The following FBXL7 variants were observed in gnomAD, a reference collection of about 807,000 sequenced individuals.
FBXL7 encodes the protein F-box/LRR-repeat protein 7.
A neutral mutation model predicts 38.3 loss-of-function variants in FBXL7; 12 were observed. The ratio of observed to expected loss-of-function variants is 0.31; its 90% CI spans 0.20 to 0.51. The LOEUF (loss-of-function observed/expected upper bound fraction) is 0.51, where lower values mean the gene tolerates loss of function less well. FBXL7 is among the 20% of genes least tolerant of loss of function. The pLI, the probability that FBXL7 is intolerant of heterozygous loss-of-function variation, is 0.98. For synonymous variants in FBXL7, 297 were observed against 300.9 expected (o/e 0.99, Z 0.13); for missense variants, 567 against 676.4 (o/e 0.84, Z 1.79).
intron 1 of FBXL7, among the ~76,000 whole-genome samples, chr5:15,573,051 T>A (rs977481446): frequency 1.3e-5 from 2 of 152,204 alleles, no homozygotes; most frequent in African/African-American, 4.8e-5. Flanking sequence ...TCAGGCAAGG[T>A]TAATCACCTC....
chr5:15,546,265 G>A (rs75339950), intron 1 of FBXL7, among the ~76,000 whole-genome samples: 4,047 of 150,932 alleles, frequency 0.027, 170 homozygotes, highest in African/African-American at 0.093. Context: ...CCCCATTTCT[G>A]CTGGAAATAC....
intron 2 of FBXL7, among the ~76,000 whole-genome samples, chr5:15,830,914 T>G (rs257738): frequency 0.53 from 80,622 of 151,828 alleles, 22,659 homozygotes; most frequent in Non-Finnish European, 0.63. Flanking sequence ...TTCCCTCCCC[T>G]TGTTCTTTTT....
intron 2 of FBXL7, among the ~76,000 whole-genome samples, chr5:15,869,641 G>A (rs890905405): frequency 3.9e-5 from 6 of 151,978 alleles, no homozygotes; most frequent in African/African-American, 1.5e-4. Flanking sequence ...TGTTTTGTTC[G>A]CCGCTGTATC....
intron 1 of FBXL7, chr5:15,580,836 G>A (rs1390945974): frequency 2.0e-6 from 2 of 984,492 alleles, no homozygotes; most frequent in African/African-American, 1.7e-5. Context: ...TGGGCCTGGA[G>A]ACTATCCCAG....
intron 2 of FBXL7, among the ~76,000 whole-genome samples, chr5:15,721,985 C>A (rs1744207137): frequency 6.6e-6 from 1 of 152,156 alleles, no homozygotes; most frequent in Non-Finnish European, 1.5e-5. Context: ...CAGGCACCCA[C>A]CACCACAGTC....
chr5:15,640,066 C>G (rs1741309630), intron 2 of FBXL7, among the ~76,000 whole-genome samples: 1 of 152,148 alleles, frequency 6.6e-6, no homozygotes. Context: ...ATGTGCTTGT[C>G]TGGAGTGGTA....
At chr5:15,819,200 A>G (rs1205275426) in intron 2 of FBXL7, among the ~76,000 whole-genome samples, 1 of 152,186 alleles carries the variant, frequency 6.6e-6, no homozygotes, top group East Asian at 1.9e-4. Context: ...GCCAGAGACT[A>G]TAGGTACAGA....
In FBXL7 at chr5:15,639,964, A is replaced by G. The variant is rs77583829; in HGVS notation, c.127+23892A>G. ...TAGACTGTAGAAAGGTCTTTTCCGTAATTGAGGCAGGGGCAGTTATCCTAG... is the reference window on the plus strand; with the variant it reads ...TAGACTGTAGAAAGGTCTTTTCCGTGATTGAGGCAGGGGCAGTTATCCTAG... On this transcript the variant is annotated intron_variant, in intron 2 of 3. Coordinates refer to ENST00000504595, the MANE Select transcript of FBXL7 (RefSeq NM_012304.5). 3.2e-3 allele frequency among the ~76,000 whole-genome samples: 483 copies of G among 152,134 alleles called. 3 individuals carry two copies. Among genetic ancestry groups the G allele is most frequent in the African/African-American group, 0.011 (468 of 41,510 alleles).
rs1184594179 is a variant in FBXL7 at position 15,678,821 on chromosome 5, C to A, written c.127+62749C>A. On this transcript the variant is annotated intron_variant, in intron 2 of 3. Transcript: ENST00000504595. ...CACCATGATTATGAGGCCTCCTTGG[C>A]CATGTGGAACTGGGAGTCCATTAAA... 1.8e-4 allele frequency among the ~76,000 whole-genome samples: 27 copies of A among 152,162 alleles called. 1 individual carries two copies. Among genetic ancestry groups the A allele is most frequent in the Non-Finnish European group, 3.7e-4 (25 of 68,024 alleles).
At chr5:15,805,130 G>A (rs779604127) in intron 2 of FBXL7, among the ~76,000 whole-genome samples, 30 of 152,116 alleles carry the variant, frequency 2.0e-4, no homozygotes, top group Non-Finnish European at 3.7e-4. Flanking sequence ...CAGGGGCCAC[G>A]CTAATGACTG....
intron 1 of FBXL7, among the ~76,000 whole-genome samples, chr5:15,520,736 G>A (rs1000893122): frequency 6.6e-6 from 1 of 152,170 alleles, no homozygotes; most frequent in South Asian, 2.1e-4. Context: ...AAATGCCTCA[G>A]TTTTTTCCTA....
intron 2 of FBXL7, among the ~76,000 whole-genome samples, chr5:15,925,716 T>C (rs1415786624): frequency 6.6e-6 from 1 of 152,246 alleles, no homozygotes; most frequent in Non-Finnish European, 1.5e-5. Flanking sequence ...ACTTATTTTA[T>C]AGATGAGGAA....
At chr5:15,663,001 G>A (rs1257660366) in intron 2 of FBXL7, among the ~76,000 whole-genome samples, 2 of 152,026 alleles carry the variant, frequency 1.3e-5, no homozygotes, top group Non-Finnish European at 2.9e-5. Context: ...TTGGTTTCAT[G>A]TGAATTTTAA....
At chr5:15,605,172 C>T (rs949324651) in intron 1 of FBXL7, among the ~76,000 whole-genome samples, 4 of 152,186 alleles carry the variant, frequency 2.6e-5, no homozygotes, top group African/African-American at 9.7e-5. Flanking sequence ...AGGAAGACTG[C>T]TGTGTGCCTT....
rs574647460 is a variant in FBXL7, at chr5:15,593,455, C to T, written c.38-22528C>T. Among the ~76,000 whole-genome samples the T allele has an allele frequency of 3.9e-5, 6 of 152,120 alleles. No homozygotes were observed. The East Asian group carries it at 9.7e-4, about 25-fold the overall frequency. On this transcript the variant is annotated intron_variant, in intron 1 of 3. Coordinates refer to ENST00000504595, the MANE Select transcript of FBXL7 (RefSeq NM_012304.5). ...AGGAGAATTGCTTGAACCCAGGAGG[C>T]GGAGGCTAGAGTGATCTGAGATCGC...
chr5:15,840,393 C>T (rs1264029395), intron 2 of FBXL7, among the ~76,000 whole-genome samples: 4 of 152,188 alleles, frequency 2.6e-5, no homozygotes, highest in African/African-American at 9.7e-5. Flanking sequence ...TAGAGCTTAG[C>T]TTTACTCTTT....
rs147222886 is a variant in FBXL7, at chr5:15,764,443, G to C, written c.127+148371G>C. Reference sequence around the variant, plus strand: ...AGCATTGTAGAAGTGAACATTATAAGCAGACAGGTGTAAAGAAGTAAGAAG... The same window carrying C: ...AGCATTGTAGAAGTGAACATTATAACCAGACAGGTGTAAAGAAGTAAGAAG... On this transcript the variant is annotated intron_variant, in intron 2 of 3. Coordinates refer to ENST00000504595, the MANE Select transcript of FBXL7 (RefSeq NM_012304.5). Among the ~76,000 whole-genome samples the C allele has an allele frequency of 1.5e-3, 235 of 152,264 alleles. 2 individuals are homozygous for C. The highest frequency in any genetic ancestry group is 2.6e-3 in the Non-Finnish European group (177 of 68,022).
At chr5:15,834,925 G>T (rs1416169518) in intron 2 of FBXL7, among the ~76,000 whole-genome samples, 1 of 152,176 alleles carries the variant, frequency 6.6e-6, no homozygotes, top group Non-Finnish European at 1.5e-5. Flanking sequence ...CAAATTCATT[G>T]GTTGCTGAAT....
At chr5:15,559,671 T>A (rs981709931) in intron 1 of FBXL7, among the ~76,000 whole-genome samples, 3 of 152,176 alleles carry the variant, frequency 2.0e-5, no homozygotes, top group Non-Finnish European at 4.4e-5. Context: ...TAATATTTGA[T>A]AAAGCAAAAC....
Sources: allele counts gnomAD v4.1 joint callset (sites outside exome capture counted in the v4.1 genomes callset), GRCh38; gene constraint gnomAD v4.1.1; transcripts MANE v1.5; gene names NCBI Gene and HGNC (gene_info 2026-07-23, HGNC 2026-07-21).